TNFSF4: variants seen among roughly 807,000 people sequenced by gnomAD.
TNFSF4 encodes the protein TNF superfamily member 4, also known as tumor necrosis factor ligand superfamily member 4.
A neutral mutation model predicts 7.3 loss-of-function variants in TNFSF4; 4 were observed. The ratio of observed to expected loss-of-function variants is 0.55; its 90% CI spans 0.27 to 1.25. The LOEUF (loss-of-function observed/expected upper bound fraction) is 1.25. Among genes scored for constraint, TNFSF4 ranks in the 50% most tolerant of loss-of-function variants. The pLI is 0.12. For missense variants in TNFSF4, 181 were observed against 208.8 expected (o/e 0.87, Z 0.82); for synonymous variants, 76 against 83.7 (o/e 0.91, Z 0.50).
the TNFSF4 span, among the ~76,000 whole-genome samples, chr1:173,244,380 C>T: frequency 1.3e-5 from 2 of 152,020 alleles, no homozygotes; most frequent in East Asian, 3.9e-4. Flanking sequence ...CGGTGGCTCA[C>T]GCCTGTAATC....
At chr1:173,248,843 A>T in the TNFSF4 span, among the ~76,000 whole-genome samples, 4 of 152,244 alleles carry the variant, frequency 2.6e-5, no homozygotes, top group Non-Finnish European at 5.9e-5. Context: ...TACGGCATCT[A>T]GTGGCTAAAT....
At chr1:173,392,095 G>A in the TNFSF4 span, among the ~76,000 whole-genome samples, 6 of 152,238 alleles carry the variant, frequency 3.9e-5, no homozygotes, top group African/African-American at 1.4e-4. Context: ...AGGCTTATGA[G>A]AGTCAGGTGA....
At chr1:173,276,229 C>T in the TNFSF4 span, among the ~76,000 whole-genome samples, 176 of 152,216 alleles carry the variant, frequency 1.2e-3, no homozygotes, top group Middle Eastern at 6.8e-3. Flanking sequence ...TACAGATTTA[C>T]AGAAAGATTA....
the TNFSF4 span, among the ~76,000 whole-genome samples, chr1:173,434,281 T>G: frequency 6.6e-6 from 1 of 152,262 alleles, no homozygotes; most frequent in Non-Finnish European, 1.5e-5. Context: ...ATATTACAAG[T>G]GCATGTTAAC....
the TNFSF4 span, among the ~76,000 whole-genome samples, chr1:173,333,577 A>C: frequency 6.6e-6 from 1 of 152,050 alleles, no homozygotes; most frequent in Admixed American, 6.6e-5. Flanking sequence ...TATTCCCATC[A>C]TAAGAGGAGA....
chr1:173,271,503 A>G, the TNFSF4 span, among the ~76,000 whole-genome samples: 3 of 152,132 alleles, frequency 2.0e-5, no homozygotes, highest in Admixed American at 6.5e-5. Context: ...ATTTACAAGA[A>G]AAAATCAAAC....
rs185568017 is a variant in TNFSF4 at position 173,187,811 on chromosome 1, C to A, written c.202+710G>T. Among the ~76,000 whole-genome samples, 249 of 152,260 alleles carry A rather than the reference C, an allele frequency of 1.6e-3. 1 individual carries two copies. Among genetic ancestry groups the A allele is most frequent in the Non-Finnish European group, 3.5e-4 (24 of 68,024 alleles). ...TTAGCATTAAAATCATCCTGAATAGCCAAGTAACCACATCTTGGACACACC... is the reference window on the plus strand; with the variant it reads ...TTAGCATTAAAATCATCCTGAATAGACAAGTAACCACATCTTGGACACACC... On this transcript the variant is annotated intron_variant, in intron 2 of 2. Coordinates refer to ENST00000281834, the MANE Select transcript of TNFSF4 (RefSeq NM_003326.5).
chr1:173,289,530 T>G, the TNFSF4 span, among the ~76,000 whole-genome samples: 1 of 152,274 alleles, frequency 6.6e-6, no homozygotes, highest in African/African-American at 2.4e-5. Flanking sequence ...AATTACTTTT[T>G]AAAATTACTA....
At chr1:173,342,628 A>G in the TNFSF4 span, among the ~76,000 whole-genome samples, 1 of 152,172 alleles carries the variant, frequency 6.6e-6, no homozygotes, top group Non-Finnish European at 1.5e-5. Flanking sequence ...CCCGTCAGTA[A>G]AGGTTCCAAA....
rs939619449 is a variant in TNFSF4 at position 173,184,163 on chromosome 1, A to T, written c.*2353T>A. ...AGATATTTAACATTCCTCTCATTTA[A>T]CAGAAAGAAAAGCAAGACCCAGAAA... On this transcript the variant is annotated 3_prime_UTR_variant, in exon 3 of 3. Transcript: ENST00000281834. The T allele has an allele frequency of 6.6e-6, 1 of 152,262 alleles. No homozygotes were observed. Among genetic ancestry groups the T allele is most frequent in the African/African-American group, 2.4e-5 (1 of 41,472 alleles). The allele number at this position is 152,262 out of a possible 1,614,324, so 9.4% of individuals were successfully genotyped here.
the TNFSF4 span, among the ~76,000 whole-genome samples, chr1:173,289,613 A>T: frequency 6.6e-6 from 1 of 152,166 alleles, no homozygotes; most frequent in Non-Finnish European, 1.5e-5. Flanking sequence ...CCAAGAAATG[A>T]CACTAATGGC....
At chr1:173,449,622 A>G in the TNFSF4 span, among the ~76,000 whole-genome samples, 1 of 152,096 alleles carries the variant, frequency 6.6e-6, no homozygotes, top group Non-Finnish European at 1.5e-5. Context: ...TACAGACATG[A>G]GCCACCGTGC....
upstream of TNFSF4, among the ~76,000 whole-genome samples, chr1:173,210,002 T>C (rs1377129262): frequency 6.6e-6 from 1 of 151,482 alleles, no homozygotes; most frequent in Non-Finnish European, 1.5e-5. Context: ...ACAAGATACC[T>C]CATGTTCAGA....
the TNFSF4 span, among the ~76,000 whole-genome samples, chr1:173,415,412 G>A: frequency 1.3e-5 from 2 of 152,324 alleles, no homozygotes; most frequent in African/African-American, 4.8e-5. Context: ...ACAGTGGGAT[G>A]AGCCTTAGGA....
At chr1:173,262,658 AG>A in the TNFSF4 span, among the ~76,000 whole-genome samples, 2 of 134,058 alleles carry the variant, frequency 1.5e-5, no homozygotes, top group South Asian at 2.4e-4. Flanking sequence ...GCTGGAGTGC[AG>A]TGGCGCAATC....
the TNFSF4 span, among the ~76,000 whole-genome samples, chr1:173,439,273 C>T: frequency 6.6e-6 from 1 of 152,240 alleles, no homozygotes; most frequent in Non-Finnish European, 1.5e-5. Context: ...CAGAACTCCT[C>T]GCTCCAATTA....
At chr1:173,292,113 G>A in the TNFSF4 span, among the ~76,000 whole-genome samples, 2 of 152,014 alleles carry the variant, frequency 1.3e-5, no homozygotes, top group African/African-American at 4.8e-5. Flanking sequence ...TGAAGAGGAG[G>A]GACTCCCCTC....
chr1:173,376,016 TG>T, the TNFSF4 span, among the ~76,000 whole-genome samples: 1 of 152,196 alleles, frequency 6.6e-6, no homozygotes, highest in Admixed American at 6.5e-5. Flanking sequence ...TTGGTCCCTC[TG>T]GCTTTCTGTT....
the TNFSF4 span, among the ~76,000 whole-genome samples, chr1:173,391,908 G>A: frequency 4.9e-4 from 75 of 152,172 alleles, 1 homozygote; most frequent in African/African-American, 1.5e-3. Flanking sequence ...AATACTTTAC[G>A]TAAGCCAGAA....
Sources: allele counts gnomAD v4.1 joint callset (sites outside exome capture counted in the v4.1 genomes callset), GRCh38; gene constraint gnomAD v4.1.1; transcripts MANE v1.5; gene names NCBI Gene and HGNC (gene_info 2026-07-23, HGNC 2026-07-21).